DOCK5: variants seen among roughly 807,000 people sequenced by gnomAD.
The protein encoded by DOCK5 is dedicator of cytokinesis protein 5.
Under a neutral mutation model 251.8 loss-of-function variants are expected in DOCK5, and 142 were observed. The observed-to-expected ratio is 0.56, with a 90% CI of 0.49 to 0.65. The LOEUF (loss-of-function observed/expected upper bound fraction) is 0.65. Ranked by LOEUF, DOCK5 falls within the 30% of genes least tolerant of loss-of-function variation. The probability of loss-of-function intolerance (pLI) is 0.00; values close to 1 mark genes in which losing one functional copy is unlikely to be tolerated. For synonymous variants in DOCK5, 842 were observed against 835.5 expected (o/e 1.01, Z -0.13); for missense variants, 2,111 against 2,312.3 (o/e 0.91, Z 1.79).
At position 25,187,331 on chromosome 8, in the gene DOCK5, A is replaced by G. The variant is rs184364322; in HGVS notation, c.43+2380A>G. On this transcript the variant is annotated intron_variant, in intron 1 of 51. Coordinates refer to ENST00000276440, the MANE Select transcript of DOCK5 (RefSeq NM_024940.8). Reference sequence around the variant, plus strand: ...TATATGCGTATATGTGTGTGTGTGTATATATATATGTATATGGAAATATGG... The same window carrying G: ...TATATGCGTATATGTGTGTGTGTGTGTATATATATGTATATGGAAATATGG... Among the ~76,000 whole-genome samples the G allele has an allele frequency of 2.0e-4, 30 of 147,160 alleles. No individual in the cohort carries two copies. The East Asian group carries it at 3.9e-3, about 19-fold the overall frequency.
chr8:25,206,453 A>G (rs1802003227), intron 1 of DOCK5, among the ~76,000 whole-genome samples: 1 of 152,198 alleles, frequency 6.6e-6, no homozygotes, highest in South Asian at 2.1e-4. Flanking sequence ...GCAGTGGATT[A>G]AGAGATAGCT....
intron 51 of DOCK5, 95 bp downstream of exon 51, chr8:25,410,297 C>T: frequency 9.7e-7 from 1 of 1,028,364 alleles, no homozygotes; most frequent in Non-Finnish European, 1.5e-6. Flanking sequence ...CAGGTTTGCT[C>T]ATAGACCTGT....
At chr8:25,364,575 G>T (rs546144192) in intron 29 of DOCK5, 51 bp from the exon 30 acceptor site, 2 of 1,374,414 alleles carry the variant, frequency 1.5e-6, no homozygotes, top group East Asian at 2.4e-5. Context: ...GTGGGAAAAG[G>T]TTTCAAAGGA....
At chr8:25,356,691 A>AAATTGGAAATTTAG (rs1439400307) in intron 27 of DOCK5, among the ~76,000 whole-genome samples, 253 of 152,124 alleles carry the variant, frequency 1.7e-3, no homozygotes, top group African/African-American at 5.6e-3. Context: ...AAAATTAGTT[A>AAATTGGAAATTTAG]ACAATTTGGA....
rs533952667 is a variant in DOCK5, at chr8:25,335,489, A to AAATAAT, written c.2193-734_2193-729dup. Among the ~76,000 whole-genome samples the AAATAAT allele has an allele frequency of 6.7e-4, 101 of 151,030 alleles. No homozygotes were observed. The South Asian group carries it at 0.021, about 31-fold the overall frequency. ...TGGGTGACAGAATGAGACTCCATCT[A>AAATAAT]AATAATAATAATAATAATAATTATA... On this transcript the variant is annotated intron_variant, in intron 21 of 51. Transcript: ENST00000276440.
At chr8:25,311,835 TC>T (rs927320543) in intron 13 of DOCK5, among the ~76,000 whole-genome samples, 35 of 150,974 alleles carry the variant, frequency 2.3e-4, no homozygotes, top group African/African-American at 8.0e-4. Flanking sequence ...GGCAGGAGAA[TC>T]GCTTGAGCCT....
chr8:25,307,091 G>A (rs114959755), intron 11 of DOCK5, among the ~76,000 whole-genome samples: 1 of 151,994 alleles, frequency 6.6e-6, no homozygotes, highest in East Asian at 1.9e-4. Context: ...ATATCACTAG[G>A]CAATAGAAAT....
chr8:25,374,483 C>G (rs1228258512), intron 36 of DOCK5, 81 bp from the exon 37 acceptor site: 1 of 1,333,600 alleles, frequency 7.5e-7, no homozygotes, highest in Non-Finnish European at 1.0e-6. Context: ...GGCAATACAG[C>G]AAGACCCTGT....
intron 40 of DOCK5, among the ~76,000 whole-genome samples, chr8:25,383,375 C>G (rs1801104499): frequency 6.6e-6 from 1 of 152,170 alleles, no homozygotes; most frequent in African/African-American, 2.4e-5. Context: ...ATTTACATTC[C>G]TAACAGTGCC....
At chr8:25,296,275 C>T (rs1442951347) in intron 6 of DOCK5, among the ~76,000 whole-genome samples, 7 of 152,172 alleles carry the variant, frequency 4.6e-5, no homozygotes, top group Non-Finnish European at 1.0e-4. Flanking sequence ...TCTTCAGGGT[C>T]TATGGACCAT....
Position 25,341,803 on chromosome 8 carries a change from A to G in DOCK5, c.2504A>G (p.Glu835Gly), listed in dbSNP as rs371784481. Residue 835 changes from glutamate (E) to glycine (G), a missense_variant, in exon 24 of 52, where the codon GAG (glutamate) becomes GGG (glycine). Around this residue, in one of 3 missense-constraint regions of DOCK5, gnomAD observed 1,717 missense variants for 1,892.4 expected, o/e 0.91. Transcript: ENST00000276440. The stretch of plus-strand genomic sequence containing the variant: ...GTCAAACTTGTATTTGATCCTGTTG[A>G]GCTCAGGTAAATAGCAAAACAAAAT... ...NDVKLVFDPV[E>G]LSVLFCKFIQ... 30 of 1,565,394 alleles carry G rather than the reference A, an allele frequency of 1.9e-5. No homozygotes were observed. Among genetic ancestry groups the G allele is most frequent in the Non-Finnish European group, 2.6e-5 (30 of 1,153,330 alleles).
At chr8:25,240,893 C>T (rs901281187) in intron 1 of DOCK5, among the ~76,000 whole-genome samples, 5 of 152,210 alleles carry the variant, frequency 3.3e-5, no homozygotes, top group Admixed American at 1.3e-4. Context: ...CGGAGGCCCT[C>T]GGGGAGGTTC....
At chr8:25,331,801 TAGAG>T (rs59239520) in intron 18 of DOCK5, among the ~76,000 whole-genome samples, 1,208 of 118,414 alleles carry the variant, frequency 0.01, 10 homozygotes, top group African/African-American at 0.025. Context: ...TATATATATA[TAGAG>T]AGAGAGAGAG....
At chr8:25,214,386 G>C (rs559045010) in intron 1 of DOCK5, among the ~76,000 whole-genome samples, 200 of 152,252 alleles carry the variant, frequency 1.3e-3, no homozygotes, top group African/African-American at 4.6e-3. Flanking sequence ...GTGTGTCTTG[G>C]GGTCAAGGGA....
intron 44 of DOCK5, among the ~76,000 whole-genome samples, chr8:25,393,255 C>T (rs1801291604): frequency 6.6e-6 from 1 of 152,202 alleles, no homozygotes; most frequent in African/African-American, 2.4e-5. Flanking sequence ...TCCACAGTTA[C>T]CCTAGACTCC....
intron 15 of DOCK5, among the ~76,000 whole-genome samples, chr8:25,320,173 A>G (rs1805383390): frequency 1.3e-5 from 2 of 152,172 alleles, no homozygotes; most frequent in Non-Finnish European, 2.9e-5. Flanking sequence ...GTGACTTCCC[A>G]GGATCCTAGA....
At chr8:25,198,512 C>T (rs888446371) in intron 1 of DOCK5, among the ~76,000 whole-genome samples, 1 of 151,580 alleles carries the variant, frequency 6.6e-6, no homozygotes, top group Admixed American at 6.6e-5. Context: ...GCAGACGTTG[C>T]AGTAAGCTGA....
intron 48 of DOCK5, 61 bp from the exon 49 acceptor site, chr8:25,407,922 G>C: frequency 6.8e-7 from 1 of 1,475,308 alleles, no homozygotes; most frequent in Non-Finnish European, 9.1e-7. Flanking sequence ...TACTTTCATA[G>C]TGAATTTTGA....
intron 47 of DOCK5, among the ~76,000 whole-genome samples, chr8:25,401,619 G>A (rs1226910581): frequency 3.3e-5 from 5 of 151,990 alleles, no homozygotes; most frequent in Admixed American, 2.0e-4. Flanking sequence ...CTGTAGTCCC[G>A]GCTATTCAGG....
Sources: allele counts gnomAD v4.1 joint callset (sites outside exome capture counted in the v4.1 genomes callset), GRCh38; gene constraint gnomAD v4.1.1; regional missense constraint gnomAD v4.1.1; transcripts MANE v1.5; gene names NCBI Gene and HGNC (gene_info 2026-07-23, HGNC 2026-07-21).